The following CACUL1 variants were observed in gnomAD, a reference collection of about 807,000 sequenced individuals.
CACUL1 encodes CDK2 associated cullin domain 1, also known as CDK2-associated and cullin domain-containing protein 1.
Under a neutral mutation model 45.2 loss-of-function variants are expected in CACUL1, and 13 were observed. That is an observed-to-expected ratio of 0.29 (90% CI 0.19 to 0.46). The LOEUF (loss-of-function observed/expected upper bound fraction) is 0.46, where lower values mean the gene tolerates loss of function less well. Among genes scored for constraint, CACUL1 ranks in the 20% least tolerant of loss-of-function variants. CACUL1 has a pLI of 1.00. For missense variants in CACUL1, 421 were observed against 471.4 expected, an observed-to-expected ratio of 0.89 and a Z score of 0.99; for synonymous variants, 197 against 174.2, an observed-to-expected ratio of 1.13 and a Z score of -1.03.
chr10:118,716,305 A>ATTTT (rs143046882), intron 3 of CACUL1, among the ~76,000 whole-genome samples: 3 of 145,076 alleles, frequency 2.1e-5, no homozygotes, highest in Non-Finnish European at 4.5e-5. Context: ...CCATTTTGGT[A>ATTTT]TTTTTTTTTT....
intron 1 of CACUL1, among the ~76,000 whole-genome samples, chr10:118,752,349 T>TACAAG (rs1845907227): frequency 1.3e-5 from 2 of 152,116 alleles, no homozygotes; most frequent in Admixed American, 6.6e-5. Flanking sequence ...TTACCAAGAG[T>TACAAG]TTTTATCATA....
intron 5 of CACUL1, among the ~76,000 whole-genome samples, chr10:118,698,211 T>C (rs1845342234): frequency 6.6e-6 from 1 of 151,744 alleles, no homozygotes; most frequent in Admixed American, 6.6e-5. Context: ...AGTGGCGATC[T>C]TGGCTCACTG....
rs769318991 is a variant in CACUL1, at chr10:118,679,969, A to C, written c.*6159T>G. The C allele has an allele frequency of 3.9e-5, 6 of 152,110 alleles. No individual in the cohort carries two copies. Among genetic ancestry groups the C allele is most frequent in the Non-Finnish European group, 8.8e-5 (6 of 68,022 alleles). The allele number at this position is 152,110 out of a possible 1,614,324, so 9.4% of individuals were successfully genotyped here. On this transcript the variant is annotated 3_prime_UTR_variant, in exon 9 of 9. Transcript: ENST00000369151. ...TTCTTTACATATTTTGAGGTATACT[A>C]TTAGACATGTAGGTACATTACTAGA...
intron 1 of CACUL1, among the ~76,000 whole-genome samples, chr10:118,746,070 T>C (rs929409906): frequency 6.8e-6 from 1 of 147,918 alleles, no homozygotes; most frequent in Non-Finnish European, 1.5e-5. Context: ...GAGAATGGCG[T>C]GAACCCAGGA....
In CACUL1 at chr10:118,677,723, C is replaced by T. The variant is rs1845111955; in HGVS notation, c.*8405G>A. ...GCCTTGACCACTCTAGAGAATTCCA[C>T]AGCATACACTTCATTTATTCACTGT... On this transcript the variant is annotated 3_prime_UTR_variant, in exon 9 of 9. Transcript: ENST00000369151. 1.3e-5 allele frequency: 2 copies of T among 152,190 alleles called. No individual in the cohort carries two copies. Among genetic ancestry groups the T allele is most frequent in the South Asian group, 4.1e-4 (2 of 4,828 alleles). The allele number at this position is 152,190 out of a possible 1,614,324, so 9.4% of individuals were successfully genotyped here.
At position 118,730,295 on chromosome 10, in the gene CACUL1, T is replaced by C. The variant is rs1337371687; in HGVS notation, c.483A>G (p.Glu161=). Reference sequence around the variant, plus strand: ...AAATCTTAACTTACCTGTATATCTGTTCATAGGATATGGGGATATAGTCAC... The same window carrying C: ...AAATCTTAACTTACCTGTATATCTGCTCATAGGATATGGGGATATAGTCAC... ...SPGDYIPISY[E]QIYSCVYKCV... Residue 161 remains glutamate (E), a synonymous_variant, in exon 2 of 9, where the codon GAA becomes GAG. Transcript: ENST00000369151. 3 of 1,614,022 alleles carry C rather than the reference T, an allele frequency of 1.9e-6. No homozygotes were observed.
Position 118,678,623 on chromosome 10 carries a change from T to C in CACUL1, c.*7505A>G, listed in dbSNP as rs1845120385. 1 of 152,156 alleles carries C rather than the reference T, an allele frequency of 6.6e-6. No individual in the cohort carries two copies. Among genetic ancestry groups the C allele is most frequent in the Non-Finnish European group, 1.5e-5 (1 of 68,042 alleles). The allele number at this position is 152,156 out of a possible 1,614,324, so 9.4% of individuals were successfully genotyped here. ...ACACTTATTTAGGTCCATTAAGTTT[T>C]TTTTTTATCATTTTCTCATTTTAAA... On this transcript the variant is annotated 3_prime_UTR_variant, in exon 9 of 9. Transcript: ENST00000369151.
rs1426827380 is a variant in CACUL1 at position 118,754,959 on chromosome 10, C to A, written c.-197G>T. 4.8e-6 allele frequency: 3 copies of A among 618,682 alleles called. No homozygotes were observed. Among genetic ancestry groups the A allele is most frequent in the Non-Finnish European group, 7.7e-6 (3 of 389,280 alleles). 38.3% of individuals were successfully genotyped at this position (618,682 alleles called of 1,614,324 possible). ...AAGACGCGGCTGACGGCGGTGGGCG[C>A]TCCGGGGCTCTAGTCTGGGAGAGGC... On this transcript the variant is annotated 5_prime_UTR_variant, in exon 1 of 9. Coordinates refer to ENST00000369151, the MANE Select transcript of CACUL1 (RefSeq NM_153810.5).
In CACUL1 at chr10:118,682,104, CTTTAAT is replaced by C. The variant is rs1483401434; in HGVS notation, c.*4018_*4023del. The C allele has an allele frequency of 6.6e-6, 1 of 152,156 alleles. No homozygotes were observed. Among genetic ancestry groups the C allele is most frequent in the Admixed American group, 6.5e-5 (1 of 15,276 alleles). The allele number at this position is 152,156 out of a possible 1,614,324, so 9.4% of individuals were successfully genotyped here. A position where few individuals can be genotyped will look rare whatever the true frequency, so the allele number is the denominator to read the frequency against. On this transcript the variant is annotated 3_prime_UTR_variant, in exon 9 of 9. Coordinates refer to ENST00000369151, the MANE Select transcript of CACUL1 (RefSeq NM_153810.5). ...ATGTCAAAGGGATTCACATTCTGAA[CTTTAAT>C]TTTAAGGACCCTTTAAAAGGCCTAG...
chr10:118,702,132 C>A (rs906187049), intron 4 of CACUL1, among the ~76,000 whole-genome samples: 1 of 152,128 alleles, frequency 6.6e-6, no homozygotes, highest in East Asian at 1.9e-4. Context: ...AAGCTCCCTG[C>A]GGAGCTCCTG....
intron 3 of CACUL1, chr10:118,726,515 C>G (rs4752191): frequency 0.77 from 232,181 of 303,194 alleles, 89,367 homozygotes; most frequent in Non-Finnish European, 0.79. Flanking sequence ...CCCTAATAGA[C>G]TTCTTATTGC....
intron 4 of CACUL1, 55 bp downstream of exon 4, chr10:118,707,437 G>T: frequency 1.2e-6 from 1 of 800,946 alleles, no homozygotes; most frequent in Non-Finnish European, 2.1e-6. Flanking sequence ...GCATCTATTT[G>T]TGCTCTCAAC....
intron 6 of CACUL1, among the ~76,000 whole-genome samples, chr10:118,694,420 A>G (rs1340369681): frequency 6.6e-6 from 1 of 152,226 alleles, no homozygotes; most frequent in Non-Finnish European, 1.5e-5. Flanking sequence ...ATTTCACAAA[A>G]AGGTAATTAC....
chr10:118,729,263 G>C (rs749680312), intron 3 of CACUL1, 32 bp downstream of exon 3: 86 of 1,528,422 alleles, frequency 5.6e-5, no homozygotes, highest in Non-Finnish European at 1.3e-5. Context: ...GAAAACCCAA[G>C]GAAGCAAAAA....
intron 3 of CACUL1, among the ~76,000 whole-genome samples, chr10:118,713,198 C>T (rs993404767): frequency 6.6e-6 from 1 of 152,256 alleles, no homozygotes; most frequent in African/African-American, 2.4e-5. Flanking sequence ...GCTGCGACAG[C>T]ACCTGGGCTC....
intron 3 of CACUL1, among the ~76,000 whole-genome samples, chr10:118,723,575 T>A (rs1845621881): frequency 6.6e-6 from 1 of 152,178 alleles, no homozygotes; most frequent in African/African-American, 2.4e-5. Context: ...ATTCTCCCAA[T>A]TCTTGCCTAA....
chr10:118,686,515 T>G (rs1845207664), intron 8 of CACUL1, 83 bp downstream of exon 8: 1 of 1,070,778 alleles, frequency 9.3e-7, no homozygotes, highest in African/African-American at 1.6e-5. Context: ...ATCATCAAAT[T>G]CAATGCACTG....
chr10:118,701,197 G>T, intron 5 of CACUL1, 109 bp downstream of exon 5: 1 of 558,536 alleles, frequency 1.8e-6, no homozygotes. Flanking sequence ...ATCTGGTTCA[G>T]AAGATGTTAA....
chr10:118,701,219 A>T, intron 5 of CACUL1, 87 bp downstream of exon 5: 1 of 664,586 alleles, frequency 1.5e-6, no homozygotes, highest in Non-Finnish European at 2.5e-6. Context: ...ATTGGGGTTT[A>T]CGTGACAATG....
Sources: allele counts gnomAD v4.1 joint callset (sites outside exome capture counted in the v4.1 genomes callset), GRCh38; gene constraint gnomAD v4.1.1; transcripts MANE v1.5; gene names NCBI Gene and HGNC (gene_info 2026-07-23, HGNC 2026-07-21).